The following KCNIP4 variants were observed in gnomAD, a reference collection of about 807,000 sequenced individuals.
KCNIP4 encodes the protein potassium voltage-gated channel interacting protein 4, also known as Kv channel-interacting protein 4.
A neutral mutation model predicts 34.0 loss-of-function variants in KCNIP4; 12 were observed. That is an observed-to-expected ratio of 0.35 (90% CI 0.23 to 0.57). The LOEUF (loss-of-function observed/expected upper bound fraction) is 0.57, where lower values mean the gene tolerates loss of function less well. KCNIP4 is among the 20% of genes least tolerant of loss of function. KCNIP4 has a pLI of 0.83. For synonymous variants in KCNIP4, 124 were observed against 102.2 expected, an observed-to-expected ratio of 1.21 and a Z score of -1.29; for missense variants, 238 against 311.7, an observed-to-expected ratio of 0.76 and a Z score of 1.78.
At chr4:20,869,901 T>A (rs960407259) in intron 2 of KCNIP4, among the ~76,000 whole-genome samples, 1 of 152,094 alleles carries the variant, frequency 6.6e-6, no homozygotes, top group East Asian at 1.9e-4. Flanking sequence ...ATGCTTCAGT[T>A]TCTTCATCAA....
chr4:21,006,221 G>A (rs1738544087), intron 1 of KCNIP4, among the ~76,000 whole-genome samples: 1 of 152,088 alleles, frequency 6.6e-6, no homozygotes, highest in African/African-American at 2.4e-5. Flanking sequence ...TGCATGCAGA[G>A]GAGGAAATGG....
At chr4:20,823,083 G>C (rs1013879999) in intron 3 of KCNIP4, among the ~76,000 whole-genome samples, 1 of 152,146 alleles carries the variant, frequency 6.6e-6, no homozygotes, top group African/African-American at 2.4e-5. Context: ...TGTATAGTCT[G>C]TTCCTGCTGC....
At chr4:21,753,684 C>T (rs769370120) in intron 1 of KCNIP4, among the ~76,000 whole-genome samples, 2 of 152,084 alleles carry the variant, frequency 1.3e-5, no homozygotes, top group Non-Finnish European at 2.9e-5. Flanking sequence ...TAGGGAAGCC[C>T]GGACTCGTCT....
intron 4 of KCNIP4, among the ~76,000 whole-genome samples, chr4:20,755,684 G>A (rs1754353145): frequency 6.6e-6 from 1 of 152,204 alleles, no homozygotes; most frequent in African/African-American, 2.4e-5. Flanking sequence ...AATGTTTAAG[G>A]TGTTGCAATT....
At chr4:20,854,764 C>T (rs1391925957) in intron 2 of KCNIP4, among the ~76,000 whole-genome samples, 2 of 152,096 alleles carry the variant, frequency 1.3e-5, no homozygotes, top group Non-Finnish European at 2.9e-5. Flanking sequence ...TAACCAGCAG[C>T]CAGTTGGTTT....
intron 1 of KCNIP4, among the ~76,000 whole-genome samples, chr4:21,529,071 G>T (rs910157882): frequency 2.0e-5 from 3 of 152,066 alleles, no homozygotes; most frequent in Non-Finnish European, 2.9e-5. Flanking sequence ...GAGCATGAAG[G>T]AAGATACAGT....
chr4:21,206,156 A>T (rs1457801851), intron 1 of KCNIP4, among the ~76,000 whole-genome samples: 1 of 152,202 alleles, frequency 6.6e-6, no homozygotes, highest in Admixed American at 6.5e-5. Context: ...TCACTCCATG[A>T]CAGGTACCAA....
At chr4:21,313,539 A>C (rs1239999585) in intron 1 of KCNIP4, among the ~76,000 whole-genome samples, 1 of 152,236 alleles carries the variant, frequency 6.6e-6, no homozygotes. Flanking sequence ...TATGATAACC[A>C]AGTTAAACTA....
At chr4:21,571,454 C>G (rs893275608) in intron 1 of KCNIP4, among the ~76,000 whole-genome samples, 1 of 152,138 alleles carries the variant, frequency 6.6e-6, no homozygotes, top group East Asian at 1.9e-4. Context: ...GCTCTGTTTC[C>G]TAAGTCTTAA....
chr4:20,984,055 T>C (rs1260926473), intron 1 of KCNIP4: 3 of 1,420,524 alleles, frequency 2.1e-6, no homozygotes, highest in Non-Finnish European at 2.8e-6. Context: ...TCCTGGCAGA[T>C]GCACCCTGCA....
At chr4:21,108,572 T>G (rs1185363126) in intron 1 of KCNIP4, among the ~76,000 whole-genome samples, 1 of 151,690 alleles carries the variant, frequency 6.6e-6, no homozygotes, top group Non-Finnish European at 1.5e-5. Flanking sequence ...AGTAGTTTGA[T>G]CATCTGAAGC....
chr4:21,697,316 TAAA>T (rs537856921), intron 1 of KCNIP4: 168,251 of 1,168,852 alleles, frequency 0.14, 22 homozygotes, highest in Non-Finnish European at 0.16. Flanking sequence ...TAGCCTCTAC[TAAA>T]AAAAAAAAAA....
rs1491541435 is a variant in KCNIP4 at position 21,151,405 on chromosome 4, A to ATTTTTTTTTT, written c.62-268697_62-268696insAAAAAAAAAA. On this transcript the variant is annotated intron_variant, in intron 1 of 8. Coordinates refer to ENST00000382152, the MANE Select transcript of KCNIP4 (RefSeq NM_025221.6). ...AGAATGGATGTCTTCAACAAAAGAC[A>ATTTTTTTTTT]ATTTTTTTTTTTTTTTTTTTTTTTT... Among the ~76,000 whole-genome samples, 55 of 93,518 alleles carry ATTTTTTTTTT rather than the reference A, an allele frequency of 5.9e-4. 19 individuals carry two copies. Among genetic ancestry groups the ATTTTTTTTTT allele is most frequent in the African/African-American group, 1.9e-3 (46 of 24,726 alleles). The allele number at this position is 93,518 out of a possible 152,430, so 61.4% of individuals were successfully genotyped here. A position where few individuals can be genotyped will look rare whatever the true frequency, so the allele number is the denominator to read the frequency against.
chr4:21,108,696 C>G (rs1186650118), intron 1 of KCNIP4, among the ~76,000 whole-genome samples: 5 of 151,532 alleles, frequency 3.3e-5, no homozygotes, highest in African/African-American at 1.2e-4. Context: ...GTTTCCAGTT[C>G]TTCTGCTCTG....
intron 1 of KCNIP4, among the ~76,000 whole-genome samples, chr4:21,307,946 T>C (rs1712669492): frequency 6.6e-6 from 1 of 152,224 alleles, no homozygotes; most frequent in African/African-American, 2.4e-5. Flanking sequence ...CCAAAATATC[T>C]TAAAATCACT....
intron 3 of KCNIP4, among the ~76,000 whole-genome samples, chr4:20,774,505 G>A (rs1432258171): frequency 6.6e-6 from 1 of 152,194 alleles, no homozygotes; most frequent in Non-Finnish European, 1.5e-5. Context: ...GTCAGAGAGT[G>A]TAAGAAGAAA....
At chr4:20,796,585 A>C (rs1366601251) in intron 3 of KCNIP4, among the ~76,000 whole-genome samples, 1 of 146,398 alleles carries the variant, frequency 6.8e-6, no homozygotes, top group East Asian at 2.1e-4. Flanking sequence ...CTTTAAAAGC[A>C]GACAAAGCAT....
At chr4:21,498,720 C>T (rs536070890) in intron 1 of KCNIP4, among the ~76,000 whole-genome samples, 1 of 152,258 alleles carries the variant, frequency 6.6e-6, no homozygotes, top group South Asian at 2.1e-4. Context: ...AAGGCACAGC[C>T]TGTTGACACC....
At chr4:21,572,719 G>A (rs1352826345) in intron 1 of KCNIP4, among the ~76,000 whole-genome samples, 15 of 150,594 alleles carry the variant, frequency 1.0e-4, no homozygotes, top group African/African-American at 3.4e-4. Flanking sequence ...TCTGCCTCCT[G>A]AGTTCAAGTG....
Sources: allele counts gnomAD v4.1 joint callset (sites outside exome capture counted in the v4.1 genomes callset), GRCh38; gene constraint gnomAD v4.1.1; transcripts MANE v1.5; gene names NCBI Gene and HGNC (gene_info 2026-07-23, HGNC 2026-07-21).